Variants in MTMR8 observed in about 807,000 individuals in gnomAD.
MTMR8 encodes myotubularin related protein 8.
MTMR8 carries 65 observed loss-of-function variants against 39.3 expected under a neutral mutation model. The observed-to-expected ratio is 1.65, with a 90% CI of 1.35 to 2.03. MTMR8 has a LOEUF of 2.03. Among genes scored for constraint, MTMR8 ranks in the 30% most tolerant of loss-of-function variants. The pLI, the probability that MTMR8 is intolerant of heterozygous loss-of-function variation, is 0.00. For synonymous variants in MTMR8, 245 were observed against 185.2 expected (o/e 1.32, Z -2.62); for missense variants, 777 against 538.9 (o/e 1.44, Z -4.37).
intron 1 of MTMR8, among the ~76,000 whole-genome samples, chrX:64,387,076 G>A (rs1231027432): frequency 2.7e-5 from 3 of 110,846 alleles, no homozygotes; most frequent in African/African-American, 9.9e-5. Context: ...AAAGAAACTA[G>A]GCTTGCCCCT....
chrX:64,374,857 G>A (rs1427351022), intron 1 of MTMR8, among the ~76,000 whole-genome samples: 1 of 109,594 alleles, frequency 9.1e-6, no homozygotes, highest in Non-Finnish European at 1.9e-5. Flanking sequence ...AGAAGGATAT[G>A]TGAAATGGAG....
chrX:64,311,383 T>G (rs1324217106), intron 12 of MTMR8, among the ~76,000 whole-genome samples: 1 of 111,682 alleles, frequency 9.0e-6, no homozygotes, highest in African/African-American at 3.3e-5. Flanking sequence ...ATTTGTAGAT[T>G]CTGGATATTA....
intron 12 of MTMR8, among the ~76,000 whole-genome samples, chrX:64,273,208 G>A (rs1341715439): frequency 9.0e-6 from 1 of 111,361 alleles, no homozygotes; most frequent in African/African-American, 3.3e-5. Flanking sequence ...TTTAATTGTA[G>A]TATAAAGTTT....
At chrX:64,276,321 T>C (rs1368259925) in intron 12 of MTMR8, among the ~76,000 whole-genome samples, 1 of 111,223 alleles carries the variant, frequency 9.0e-6, no homozygotes, top group East Asian at 2.9e-4. Flanking sequence ...GGTGTTGATC[T>C]AGTTCTAGAT....
intron 12 of MTMR8, among the ~76,000 whole-genome samples, chrX:64,296,054 C>A (rs764508222): frequency 2.7e-5 from 3 of 111,985 alleles, no homozygotes; most frequent in Non-Finnish European, 5.6e-5. Flanking sequence ...GTAGAAGCAA[C>A]CCAGATGTCC....
At chrX:64,326,798 C>A (rs1286869880) in intron 12 of MTMR8, among the ~76,000 whole-genome samples, 2 of 110,082 alleles carry the variant, frequency 1.8e-5, no homozygotes, top group African/African-American at 6.6e-5. Context: ...TATCTGACTT[C>A]AAAATGTACT....
intron 12 of MTMR8, among the ~76,000 whole-genome samples, chrX:64,285,158 G>T (rs188917989): frequency 2.3e-4 from 26 of 111,390 alleles, no homozygotes; most frequent in East Asian, 5.6e-4. Flanking sequence ...ACAAAAAAAG[G>T]CAGGGTTTGC....
intron 10 of MTMR8, 106 bp from the exon 11 acceptor site, chrX:64,331,863 C>T: frequency 1.5e-6 from 1 of 671,673 alleles, no homozygotes; most frequent in Non-Finnish European, 2.3e-6. Context: ...TTGGTAGTGG[C>T]AAGGAAACAC....
At chrX:64,294,977 A>T (rs930951635) in intron 12 of MTMR8, among the ~76,000 whole-genome samples, 2 of 111,335 alleles carry the variant, frequency 1.8e-5, no homozygotes, top group African/African-American at 6.5e-5. Flanking sequence ...GGAACTCAGA[A>T]GGGTGAAGTA....
chrX:64,358,520 C>T (rs1479297242), intron 2 of MTMR8, among the ~76,000 whole-genome samples: 1 of 111,168 alleles, frequency 9.0e-6, no homozygotes, highest in Non-Finnish European at 1.9e-5. Flanking sequence ...ATTATTTTAT[C>T]TGTATTTTAC....
At chrX:64,325,833 G>C (rs1922775270) in intron 12 of MTMR8, among the ~76,000 whole-genome samples, 1 of 111,748 alleles carries the variant, frequency 8.9e-6, no homozygotes, top group Non-Finnish European at 1.9e-5. Flanking sequence ...AAATTGGAAA[G>C]GAGGAAGTTA....
chrX:64,345,759 C>A (rs373057878), intron 6 of MTMR8, among the ~76,000 whole-genome samples: 2 of 111,425 alleles, frequency 1.8e-5, no homozygotes, highest in East Asian at 5.7e-4. Context: ...ACTACAGGCA[C>A]GTACCACCAT....
intron 12 of MTMR8, among the ~76,000 whole-genome samples, chrX:64,306,989 G>T (rs756984215): frequency 8.9e-6 from 1 of 112,052 alleles, no homozygotes; most frequent in Non-Finnish European, 1.9e-5. Context: ...CAACGGTGGC[G>T]GAATGTAATG....
chrX:64,302,726 A>C (rs1921942718), intron 12 of MTMR8, among the ~76,000 whole-genome samples: 1 of 112,520 alleles, frequency 8.9e-6, no homozygotes, highest in African/African-American at 3.2e-5. Flanking sequence ...TTTAGGCATT[A>C]GAGCCTGCCT....
At chrX:64,333,974 G>C (rs1388486639) in intron 10 of MTMR8, among the ~76,000 whole-genome samples, 2 of 111,113 alleles carry the variant, frequency 1.8e-5, no homozygotes, top group Admixed American at 9.6e-5. Flanking sequence ...TTCTTCACTA[G>C]ACTTTCAGGT....
chrX:64,322,245 C>T (rs762809424), intron 12 of MTMR8, among the ~76,000 whole-genome samples: 4 of 110,141 alleles, frequency 3.6e-5, no homozygotes, highest in Non-Finnish European at 7.6e-5. Flanking sequence ...TGATCCTCCA[C>T]GTTAGCCTCC....
At chrX:64,275,475 T>A (rs1160039950) in intron 12 of MTMR8, among the ~76,000 whole-genome samples, 1 of 108,744 alleles carries the variant, frequency 9.2e-6, no homozygotes, top group African/African-American at 3.3e-5. Flanking sequence ...GCAGGAGAAC[T>A]GTTTGAGGCC....
chrX:64,268,423 G>A lies in MTMR8; in HGVS notation c.*114C>T, dbSNP rs1234515359. 4 of 897,968 alleles carry A rather than the reference G, an allele frequency of 4.5e-6. No individual in the cohort carries two copies. In the African/African-American group the frequency reaches 8.0e-5, roughly 18 times the overall value. 74.0% of individuals were successfully genotyped at this position (897,968 alleles called of 1,213,427 possible). A position where few individuals can be genotyped will look rare whatever the true frequency, so the allele number is the denominator to read the frequency against. On this transcript the variant is annotated 3_prime_UTR_variant, in exon 14 of 14. Transcript: ENST00000374852. The stretch of plus-strand genomic sequence containing the variant: ...CCCTTCCAGACTTAAGTGGGGAGAG[G>A]GGTGCCCTGGCTTCACCCACTTAAA...
Position 64,268,470 on chromosome X carries a change from C to T in MTMR8, c.*67G>A. The T allele has an allele frequency of 8.8e-7, 1 of 1,136,234 alleles. No homozygotes were observed. The highest frequency in any genetic ancestry group is 1.2e-6 in the Non-Finnish European group (1 of 854,209). 93.6% of individuals were successfully genotyped at this position (1,136,234 alleles called of 1,213,427 possible). On this transcript the variant is annotated 3_prime_UTR_variant, in exon 14 of 14. Coordinates refer to ENST00000374852, the MANE Select transcript of MTMR8 (RefSeq NM_017677.4). ...TAAACCAATTGGAAAAGCAGCATAG[C>T]CCTCTCTGGGACAAGAATCATTGTA...
Sources: gnomAD v4.1 joint callset for allele counts (sites outside exome capture counted in the v4.1 genomes callset) on GRCh38, gnomAD v4.1.1 for gene constraint, MANE v1.5 for transcripts, NCBI Gene and HGNC (gene_info 2026-07-23, HGNC 2026-07-21) for gene names.